The following TNFRSF21 variants were observed in gnomAD, a reference collection of about 807,000 sequenced individuals.
TNFRSF21 encodes tumor necrosis factor receptor superfamily member 21.
TNFRSF21 carries 19 observed loss-of-function variants against 45.6 expected under a neutral mutation model. That is an observed-to-expected ratio of 0.42 (90% CI 0.29 to 0.61). The LOEUF is 0.61. Among genes scored for constraint, TNFRSF21 ranks in the 20% least tolerant of loss-of-function variants. TNFRSF21 has a pLI of 0.23. For synonymous variants in TNFRSF21, 314 were observed against 335.5 expected, an observed-to-expected ratio of 0.94 and a Z score of 0.70; for missense variants, 737 against 851.5, an observed-to-expected ratio of 0.87 and a Z score of 1.67.
chr6:47,257,510 G>A (rs1387514293), intron 3 of TNFRSF21, among the ~76,000 whole-genome samples: 1 of 152,210 alleles, frequency 6.6e-6, no homozygotes, highest in Non-Finnish European at 1.5e-5. Context: ...AAACCCCAGT[G>A]AGGAGACCAG....
intron 4 of TNFRSF21, among the ~76,000 whole-genome samples, chr6:47,245,247 T>G (rs889895629): frequency 6.6e-6 from 1 of 152,180 alleles, no homozygotes; most frequent in East Asian, 1.9e-4. Flanking sequence ...GGCTCACATA[T>G]CTATCCCTCC....
rs1473800522 is a variant in TNFRSF21 at position 47,309,438 on chromosome 6, A to T, written c.74T>A (p.Met25Lys). Residue 25 changes from methionine to lysine, a missense_variant, in exon 1 of 6, where the codon ATG becomes AAG. By Grantham distance (95) the Met-to-Lys change is moderately conservative. Coordinates refer to ENST00000296861, the MANE Select transcript of TNFRSF21 (RefSeq NM_014452.5). ...CACCAGGAGAAGGGAGCCCGCGATC[A>T]TCGTGGCTGTGGCTCGGCGGGCGAT... The part of the protein sequence containing the change: ...SRIARRATAT[M>K]IAGSLLLLGF... 4 of 1,551,712 alleles carry T rather than the reference A, an allele frequency of 2.6e-6. No individual in the cohort carries two copies. Among genetic ancestry groups the T allele is most frequent in the Non-Finnish European group, 3.5e-6 (4 of 1,155,886 alleles).
Position 47,292,896 on chromosome 6 carries a change from C to T in TNFRSF21, c.97-6301G>A, listed in dbSNP as rs17437829. Reference sequence around the variant, plus strand: ...TTTGTTTTGTTTTGTCTTACATATCCAAAGGGGACTGTCCATACATAGCGT... The same window carrying T: ...TTTGTTTTGTTTTGTCTTACATATCTAAAGGGGACTGTCCATACATAGCGT... On this transcript the variant is annotated intron_variant, in intron 1 of 5. Transcript: ENST00000296861. Among the ~76,000 whole-genome samples, 315 of 152,220 alleles carry T rather than the reference C, an allele frequency of 2.1e-3. 4 individuals are homozygous for T. The highest frequency in any genetic ancestry group is 7.5e-3 in the African/African-American group (311 of 41,540).
intron 3 of TNFRSF21, among the ~76,000 whole-genome samples, chr6:47,283,499 T>C (rs185458915): frequency 6.6e-6 from 1 of 152,320 alleles, no homozygotes; most frequent in East Asian, 1.9e-4. Context: ...TTGGGTTTTG[T>C]CCCCTTCATT....
chr6:47,285,799 A>G (rs2113864259), intron 2 of TNFRSF21, 145 bp downstream of exon 2: 1 of 899,752 alleles, frequency 1.1e-6, no homozygotes, highest in South Asian at 1.8e-5. Context: ...GCCAGATTTA[A>G]TTAGCCACCA....
chr6:47,308,225 C>T (rs1364701124), intron 1 of TNFRSF21, among the ~76,000 whole-genome samples: 2 of 152,224 alleles, frequency 1.3e-5, no homozygotes, highest in African/African-American at 4.8e-5. Context: ...ACCAGAGTGT[C>T]TGTAGGATGA....
Position 47,234,679 on chromosome 6 carries a change from TAAAGG to T in TNFRSF21, c.1724_1728del (p.Ser575TyrfsTer19), listed in dbSNP as rs1420424382. On this transcript the variant is annotated frameshift_variant, in exon 5 of 6. Coordinates refer to ENST00000296861, the MANE Select transcript of TNFRSF21 (RefSeq NM_014452.5). LOFTEE classifies it high-confidence loss of function. ...GCTGCGATGCCCGTACCTTTGGTAA[TAAAGG>T]AACCGTTCCTGCTCAGCGCGGAGGA... 6.2e-7 allele frequency: 1 copy of T among 1,608,314 alleles called. No individual in the cohort carries two copies. Among genetic ancestry groups the T allele is most frequent in the Non-Finnish European group, 8.5e-7 (1 of 1,177,460 alleles).
chr6:47,234,845 G>A lies in TNFRSF21; in HGVS notation c.1563C>T (p.Ser521=). 6.6e-7 allele frequency: 1 copy of A among 1,512,178 alleles called. No homozygotes were observed. Among genetic ancestry groups the A allele is most frequent in the Non-Finnish European group, 8.8e-7 (1 of 1,133,980 alleles). The allele number at this position is 1,512,178 out of a possible 1,614,324, so 93.7% of individuals were successfully genotyped here. The change falls in exon 5 of 6, where the codon AGC becomes AGT. Residue 521 remains serine (S), a synonymous_variant. Transcript: ENST00000296861. ...GTTTCGCGTTGGGGCTGGGGATGGG[G>A]CTCGGGCTAAGCGGGCTGGGGCTCA... ...LPMSPSPLSP[S]PIPSPNAKLE...
At position 47,253,308 on chromosome 6, in the gene TNFRSF21, C is replaced by A; in HGVS notation, c.1457G>T (p.Arg486Leu). 6.2e-7 allele frequency: 1 copy of A among 1,613,740 alleles called. No individual in the cohort carries two copies. The highest frequency in any genetic ancestry group is 8.5e-7 in the Non-Finnish European group (1 of 1,179,872). ...AATCTTCTCCACAACATCGTTTCTCCGGTGCTGGCGCAGGGCGCTAATTAG... is the reference window on the plus strand; with the variant it reads ...AATCTTCTCCACAACATCGTTTCTCAGGTGCTGGCGCAGGGCGCTAATTAG... ...AQLISALRQH[R>L]RNDVVEKIRG... is the part of the protein sequence containing the mutation. Residue 486 changes from arginine (R) to leucine (L), a missense_variant, in exon 4 of 6, where the codon CGG (arginine) becomes CTG (leucine). Coordinates refer to ENST00000296861, the MANE Select transcript of TNFRSF21 (RefSeq NM_014452.5).
intron 3 of TNFRSF21, among the ~76,000 whole-genome samples, chr6:47,278,557 C>T (rs951385310): frequency 5.3e-5 from 8 of 152,134 alleles, no homozygotes; most frequent in Admixed American, 5.2e-4. Flanking sequence ...GCTAGCTCAG[C>T]TCTGGACCAC....
intron 3 of TNFRSF21, among the ~76,000 whole-genome samples, chr6:47,264,777 G>C (rs571365550): frequency 6.6e-6 from 1 of 152,288 alleles, no homozygotes; most frequent in East Asian, 1.9e-4. Context: ...GGCATTCCTG[G>C]ACTCAGAGGT....
chr6:47,273,105 T>C (rs933547327), intron 3 of TNFRSF21, among the ~76,000 whole-genome samples: 1 of 152,190 alleles, frequency 6.6e-6, no homozygotes, highest in African/African-American at 2.4e-5. Context: ...GCTGGTACCA[T>C]TCCTTCTGAA....
chr6:47,250,500 G>A (rs1254571223), intron 4 of TNFRSF21, among the ~76,000 whole-genome samples: 1 of 152,192 alleles, frequency 6.6e-6, no homozygotes, highest in African/African-American at 2.4e-5. Context: ...GGTTAATAAT[G>A]AACCGGCTGT....
At chr6:47,291,890 G>A (rs1762734472) in intron 1 of TNFRSF21, among the ~76,000 whole-genome samples, 1 of 152,196 alleles carries the variant, frequency 6.6e-6, no homozygotes, top group African/African-American at 2.4e-5. Flanking sequence ...CCTGCTGAGA[G>A]GAAGAGTTGG....
intron 3 of TNFRSF21, among the ~76,000 whole-genome samples, chr6:47,281,779 T>G (rs1762570991): frequency 6.6e-6 from 1 of 152,210 alleles, no homozygotes; most frequent in African/African-American, 2.4e-5. Flanking sequence ...AGGTATTCTT[T>G]GTACTGTTGC....
intron 3 of TNFRSF21, among the ~76,000 whole-genome samples, chr6:47,270,153 G>C (rs115001456): frequency 6.6e-6 from 1 of 152,098 alleles, no homozygotes; most frequent in African/African-American, 2.4e-5. Flanking sequence ...CCAGCATGGC[G>C]TATGAGCTCT....
At chr6:47,283,526 C>T (rs1302833989) in intron 3 of TNFRSF21, among the ~76,000 whole-genome samples, 1 of 152,186 alleles carries the variant, frequency 6.6e-6, no homozygotes, top group African/African-American at 2.4e-5. Context: ...ACAGCCTAAT[C>T]GTATAGCAAA....
chr6:47,299,131 AGC>A (rs764833229), intron 1 of TNFRSF21, among the ~76,000 whole-genome samples: 5 of 152,252 alleles, frequency 3.3e-5, no homozygotes, highest in Non-Finnish European at 5.9e-5. Context: ...TAAAATGAAC[AGC>A]ACCAACAAAA....
At chr6:47,237,609 G>T (rs1231149943) in intron 4 of TNFRSF21, among the ~76,000 whole-genome samples, 1 of 151,978 alleles carries the variant, frequency 6.6e-6, no homozygotes, top group African/African-American at 2.4e-5. Context: ...AAAACTTTGA[G>T]CATAAACTTA....
Sources: allele counts gnomAD v4.1 joint callset (sites outside exome capture counted in the v4.1 genomes callset), GRCh38; gene constraint gnomAD v4.1.1; transcripts MANE v1.5; gene names NCBI Gene and HGNC (gene_info 2026-07-23, HGNC 2026-07-21).